The following OTUD7B variants were observed in gnomAD, a reference collection of about 807,000 sequenced individuals.
OTUD7B encodes OTU domain-containing protein 7B.
OTUD7B carries 34 observed loss-of-function variants against 82.2 expected under a neutral mutation model. The observed-to-expected ratio is 0.41, with a 90% CI of 0.31 to 0.55. OTUD7B has a LOEUF of 0.55. OTUD7B is among the 20% of genes least tolerant of loss of function. The pLI, the probability that OTUD7B is intolerant of heterozygous loss-of-function variation, is 0.20. For synonymous variants in OTUD7B, 398 were observed against 402.7 expected, an observed-to-expected ratio of 0.99 and a Z score of 0.14; for missense variants, 944 against 1,062.1, an observed-to-expected ratio of 0.89 and a Z score of 1.55.
In OTUD7B at chr1:149,949,747, A is replaced by G; in HGVS notation, c.1005T>C (p.Tyr335=). The G allele has an allele frequency of 6.2e-7, 1 of 1,614,186 alleles. No individual in the cohort carries two copies. Among genetic ancestry groups the G allele is most frequent in the South Asian group, 1.1e-5 (1 of 91,086 alleles). Residue 335 remains tyrosine, a synonymous_variant, in exon 9 of 12, where the codon TAT becomes TAC. Coordinates refer to ENST00000581312, the MANE Select transcript of OTUD7B (RefSeq NM_020205.4). ...AFAPIPFGGI[Y]LPLEVPASQC... is the part of the protein sequence containing the mutation. Reference sequence around the variant, plus strand: ...GGCTGGCTGGGACCTCCAAAGGCAGATAGATTCCTCCAAAGGGAATAGGGG... The same window carrying G: ...GGCTGGCTGGGACCTCCAAAGGCAGGTAGATTCCTCCAAAGGGAATAGGGG...
chr1:149,964,492 A>T (rs587668894), intron 5 of OTUD7B, 143 bp from the exon 6 acceptor site: 1 of 674,704 alleles, frequency 1.5e-6, no homozygotes, highest in East Asian at 2.8e-5. Flanking sequence ...TTACCCTCCC[A>T]AAGTGCTGGG....
the OTUD7B span, among the ~76,000 whole-genome samples, chr1:150,017,059 AATTTTCACAAGT>A: frequency 6.6e-6 from 1 of 152,338 alleles, no homozygotes; most frequent in Admixed American, 6.5e-5. Flanking sequence ...TTGAATTGTT[AATTTTCACAAGT>A]ATTTGCTCAT....
the OTUD7B span, among the ~76,000 whole-genome samples, chr1:150,053,060 T>C: frequency 6.6e-6 from 1 of 152,126 alleles, no homozygotes; most frequent in Non-Finnish European, 1.5e-5. Context: ...AATACTTAAA[T>C]ATAAAACCCA....
At chr1:150,061,655 G>C in the OTUD7B span, among the ~76,000 whole-genome samples, 1 of 152,332 alleles carries the variant, frequency 6.6e-6, no homozygotes, top group African/African-American at 2.4e-5. Flanking sequence ...CTGCCCAGGG[G>C]CTCTGGCTGC....
chr1:149,938,565 AT>A lies in OTUD7B; in HGVS notation c.*5291del, dbSNP rs2101689850. The A allele has an allele frequency of 6.7e-6, 1 of 148,842 alleles. No individual in the cohort carries two copies. The highest frequency in any genetic ancestry group is 2.1e-4 in the South Asian group (1 of 4,670). 9.2% of individuals were successfully genotyped at this position (148,842 alleles called of 1,614,324 possible). On this transcript the variant is annotated 3_prime_UTR_variant, in exon 12 of 12. Coordinates refer to ENST00000581312, the MANE Select transcript of OTUD7B (RefSeq NM_020205.4). Reference sequence around the variant, plus strand: ...CCACCATCCTTCATTCAAGAGCCTCATTCTATTCTTTAGCACTTTGAGGTGT... The same window carrying A: ...CCACCATCCTTCATTCAAGAGCCTCATCTATTCTTTAGCACTTTGAGGTGT...
chr1:149,979,750 GAATT>G (rs1478531809), intron 1 of OTUD7B, among the ~76,000 whole-genome samples: 11 of 152,118 alleles, frequency 7.2e-5, no homozygotes, highest in Non-Finnish European at 1.3e-4. Flanking sequence ...AATTCCTTCA[GAATT>G]AATAGATGAA....
the OTUD7B span, among the ~76,000 whole-genome samples, chr1:150,061,943 A>G: frequency 2.6e-5 from 4 of 152,220 alleles, no homozygotes; most frequent in Non-Finnish European, 5.9e-5. Flanking sequence ...CTAAGATATA[A>G]GCCCTGGGTC....
intron 1 of OTUD7B, among the ~76,000 whole-genome samples, chr1:149,997,606 C>G (rs182100496): frequency 3.2e-4 from 48 of 152,252 alleles, no homozygotes; most frequent in African/African-American, 1.1e-3. Flanking sequence ...AATCCAAAAT[C>G]TAAAGAAATC....
chr1:149,977,556 G>A lies in OTUD7B; in HGVS notation c.-46C>T. The stretch of plus-strand genomic sequence containing the variant: ...GCCAGCTGGATGTAGGTAGAACATA[G>A]ATCAAAATTCAGGCCTCCACCTGAG... On this transcript the variant is annotated 5_prime_UTR_variant, in exon 2 of 12. Transcript: ENST00000581312. 6.9e-7 allele frequency: 1 copy of A among 1,452,636 alleles called. No homozygotes were observed. Among genetic ancestry groups the A allele is most frequent in the Non-Finnish European group, 9.7e-7 (1 of 1,032,992 alleles). 90.0% of individuals were successfully genotyped at this position (1,452,636 alleles called of 1,614,324 possible).
the OTUD7B span, among the ~76,000 whole-genome samples, chr1:150,029,547 G>T: frequency 2.0e-5 from 3 of 152,118 alleles, no homozygotes; most frequent in African/African-American, 7.2e-5. Context: ...CTTACTGGAG[G>T]GTCCAAGAGA....
chr1:150,015,290 C>CTTTTTTTTTTTT (rs60374988), upstream of OTUD7B, among the ~76,000 whole-genome samples: 9 of 128,974 alleles, frequency 7.0e-5, 1 homozygote, highest in Non-Finnish European at 1.2e-4. Context: ...TTTTCTTTCT[C>CTTTTTTTTTTTT]TTTTTTTTTT....
chr1:150,005,306 G>A (rs1652590024), intron 1 of OTUD7B, among the ~76,000 whole-genome samples: 3 of 151,974 alleles, frequency 2.0e-5, no homozygotes, highest in South Asian at 4.1e-4. Flanking sequence ...ACTCATAGTG[G>A]GTCACTACAA....
chr1:149,959,050 C>T lies in OTUD7B; in HGVS notation c.845+634G>A, dbSNP rs1032113516. 7.2e-5 allele frequency among the ~76,000 whole-genome samples: 11 copies of T among 151,896 alleles called. No individual in the cohort carries two copies. The South Asian group carries it at 1.7e-3, about 23-fold the overall frequency. On this transcript the variant is annotated intron_variant, in intron 7 of 11. Coordinates refer to ENST00000581312, the MANE Select transcript of OTUD7B (RefSeq NM_020205.4). ...CACCCTGGCCAAAATGGTGAAACCC[C>T]GTCTCTAATAAAAATACAAAAATTA...
the OTUD7B span, among the ~76,000 whole-genome samples, chr1:150,044,591 A>T: frequency 1.3e-5 from 2 of 151,230 alleles, no homozygotes; most frequent in African/African-American, 4.9e-5. Flanking sequence ...AATCGCTTGA[A>T]CCCAGGAGGC....
At chr1:150,042,119 C>A in the OTUD7B span, among the ~76,000 whole-genome samples, 53 of 91,278 alleles carry the variant, frequency 5.8e-4, no homozygotes, top group Non-Finnish European at 8.5e-4. Context: ...CCCTCCCTCC[C>A]TCCCTCCCTC....
chr1:149,988,729 G>T (rs1417873701), intron 1 of OTUD7B, among the ~76,000 whole-genome samples: 4 of 152,082 alleles, frequency 2.6e-5, no homozygotes, highest in Non-Finnish European at 5.9e-5. Flanking sequence ...ATGTCTATTT[G>T]CAACACACAA....
At chr1:149,950,355 G>T in intron 7 of OTUD7B, 134 bp from the exon 8 acceptor site, 1 of 814,770 alleles carries the variant, frequency 1.2e-6, no homozygotes, top group Non-Finnish European at 1.9e-6. Context: ...TCTTAAGGCT[G>T]CCACTGATAT....
intron 1 of OTUD7B, among the ~76,000 whole-genome samples, chr1:150,008,318 A>G (rs1434453771): frequency 1.3e-5 from 2 of 152,342 alleles, no homozygotes; most frequent in South Asian, 2.1e-4. Flanking sequence ...ACAATTATTG[A>G]TCATCAACAG....
chr1:150,018,384 T>C, the OTUD7B span, among the ~76,000 whole-genome samples: 1 of 152,122 alleles, frequency 6.6e-6, no homozygotes, highest in African/African-American at 2.4e-5. Context: ...TGCAACACCT[T>C]TTAAGCAGAC....
Sources: allele counts gnomAD v4.1 joint callset (sites outside exome capture counted in the v4.1 genomes callset), GRCh38; gene constraint gnomAD v4.1.1; transcripts MANE v1.5; gene names NCBI Gene and HGNC (gene_info 2026-07-23, HGNC 2026-07-21).